ZNF420: variants seen among roughly 807,000 people sequenced by gnomAD.
ZNF420 encodes zinc finger protein 420.
In ZNF420, 31 loss-of-function variants were observed where a neutral mutation model predicts 44.7. The observed-to-expected ratio is 0.69, with a 90% CI of 0.52 to 0.94. The LOEUF (loss-of-function observed/expected upper bound fraction) is 0.94. ZNF420 is among the 40% of genes least tolerant of loss of function. The pLI is 0.00. For synonymous variants in ZNF420, 245 were observed against 267.4 expected, an observed-to-expected ratio of 0.92 and a Z score of 0.82; for missense variants, 681 against 827.9, an observed-to-expected ratio of 0.82 and a Z score of 2.18.
chr19:37,071,325 T>C (rs1968053999), intron 1 of ZNF420, among the ~76,000 whole-genome samples: 1 of 152,178 alleles, frequency 6.6e-6, no homozygotes, highest in Non-Finnish European at 1.5e-5. Flanking sequence ...CAGAATGATA[T>C]ATGAAATAGT....
chr19:37,027,005 G>A (rs1050357990), intron 1 of ZNF420, among the ~76,000 whole-genome samples: 7 of 152,170 alleles, frequency 4.6e-5, no homozygotes, highest in Non-Finnish European at 1.0e-4. Context: ...AATGACTTCA[G>A]ATTAGGAAAT....
chr19:37,054,064 G>A (rs1204892060), intron 1 of ZNF420, among the ~76,000 whole-genome samples: 1 of 152,182 alleles, frequency 6.6e-6, no homozygotes, highest in Non-Finnish European at 1.5e-5. Flanking sequence ...AATGGCTGGC[G>A]CCCCTCCCCC....
intron 1 of ZNF420, among the ~76,000 whole-genome samples, chr19:37,014,310 C>T (rs1373989758): frequency 1.3e-5 from 2 of 152,160 alleles, no homozygotes; most frequent in African/African-American, 4.8e-5. Flanking sequence ...AGGGAATTTT[C>T]AGCTGACTCC....
intron 1 of ZNF420, among the ~76,000 whole-genome samples, chr19:37,066,541 A>G (rs990156648): frequency 2.6e-5 from 4 of 152,238 alleles, no homozygotes; most frequent in Non-Finnish European, 4.4e-5. Flanking sequence ...TGTTTTGCCA[A>G]TAAGTACATA....
intron 1 of ZNF420, among the ~76,000 whole-genome samples, chr19:37,032,581 G>A (rs1174386699): frequency 1.3e-5 from 2 of 151,876 alleles, no homozygotes; most frequent in African/African-American, 4.8e-5. Context: ...AAGGCTGGTG[G>A]ATCACCAGAG....
chr19:37,025,542 T>C (rs921388949), intron 1 of ZNF420, among the ~76,000 whole-genome samples: 10 of 152,118 alleles, frequency 6.6e-5, no homozygotes, highest in Non-Finnish European at 1.3e-4. Context: ...TTTTTTATCT[T>C]CTGTGATGAT....
intron 4 of ZNF420, chr19:37,108,194 A>G (rs1970198725): frequency 6.6e-6 from 1 of 152,214 alleles, no homozygotes; most frequent in African/African-American, 2.4e-5. Flanking sequence ...CTCCTGCCAC[A>G]GCGGCTGTAG....
intron 1 of ZNF420, among the ~76,000 whole-genome samples, chr19:37,019,764 T>A (rs560850709): frequency 3.9e-5 from 5 of 127,716 alleles, no homozygotes; most frequent in South Asian, 4.9e-4. Context: ...AAGACTCATC[T>A]GTCACAAAAA....
At chr19:37,082,725 G>A (rs139446638) in intron 2 of ZNF420, among the ~76,000 whole-genome samples, 9 of 152,156 alleles carry the variant, frequency 5.9e-5, no homozygotes, top group Admixed American at 3.3e-4. Context: ...AGCCCACTAG[G>A]GATCTATAAT....
chr19:37,038,157 AT>A (rs1967391206), intron 1 of ZNF420, among the ~76,000 whole-genome samples: 1 of 152,208 alleles, frequency 6.6e-6, no homozygotes, highest in South Asian at 2.1e-4. Flanking sequence ...TGTTTACACT[AT>A]TGTAGTCAAT....
chr19:37,104,487 T>A (rs1464876032), intron 4 of ZNF420, among the ~76,000 whole-genome samples: 1 of 152,188 alleles, frequency 6.6e-6, no homozygotes, highest in Non-Finnish European at 1.5e-5. Flanking sequence ...TTATAATCCT[T>A]TGGGTATATA....
At chr19:37,031,291 G>A (rs10414107) in intron 1 of ZNF420, among the ~76,000 whole-genome samples, 24,501 of 152,054 alleles carry the variant, frequency 0.16, 2,096 homozygotes, top group African/African-American at 0.23. Context: ...TGCAAACAAA[G>A]ATGTGGATAC....
intron 2 of ZNF420, among the ~76,000 whole-genome samples, 160 bp from the exon 3 acceptor site, chr19:37,088,879 G>A (rs1489643647): frequency 6.6e-6 from 1 of 152,178 alleles, no homozygotes; most frequent in Non-Finnish European, 1.5e-5. Flanking sequence ...AAAGCATTGA[G>A]TTTGATCAAG....
chr19:37,091,014 A>T lies in ZNF420; in HGVS notation c.29A>T (p.Asp10Val). The T allele has an allele frequency of 6.2e-7, 1 of 1,613,318 alleles. No individual in the cohort carries two copies. The highest frequency in any genetic ancestry group is 1.1e-5 in the South Asian group (1 of 90,784). The change falls in exon 4 of 5, where the codon GAT becomes GTT. Residue 10 changes from aspartate (D) to valine (V), a missense_variant. Transcript: ENST00000337995. MARKLVMFR[D>V]VAIDFSQEEW... ...TTTCAGAAATTAGTGATGTTCAGGG[A>T]TGTTGCCATTGACTTCTCTCAGGAA...
chr19:37,070,990 G>T (rs1968048596), intron 1 of ZNF420, among the ~76,000 whole-genome samples: 1 of 152,150 alleles, frequency 6.6e-6, no homozygotes, highest in Admixed American at 6.5e-5. Flanking sequence ...GTGATTTCAT[G>T]ATACAATGGC....
At chr19:37,010,543 ACT>A (rs1253661097) in intron 1 of ZNF420, among the ~76,000 whole-genome samples, 2 of 148,612 alleles carry the variant, frequency 1.3e-5, no homozygotes, top group South Asian at 2.2e-4. Context: ...TCTCTCTGTC[ACT>A]CTGTTTCTCT....
At chr19:37,034,062 A>AT (rs1217488745) in intron 1 of ZNF420, among the ~76,000 whole-genome samples, 7,855 of 137,520 alleles carry the variant, frequency 0.057, 425 homozygotes, top group African/African-American at 0.16. Context: ...CCTATGTTCC[A>AT]TTTTTTTTTT....
At chr19:37,048,227 A>G (rs1258634163) in intron 1 of ZNF420, among the ~76,000 whole-genome samples, 1 of 152,228 alleles carries the variant, frequency 6.6e-6, no homozygotes, top group Non-Finnish European at 1.5e-5. Context: ...AATTTTTTAA[A>G]TATAATTTTA....
At chr19:37,009,400 G>A (rs1373452180) in intron 1 of ZNF420, among the ~76,000 whole-genome samples, 1 of 152,088 alleles carries the variant, frequency 6.6e-6, no homozygotes, top group Non-Finnish European at 1.5e-5. Flanking sequence ...TGGCATTGTT[G>A]GGGAGGTCAC....
Sources: gnomAD v4.1 joint callset for allele counts (sites outside exome capture counted in the v4.1 genomes callset) on GRCh38, gnomAD v4.1.1 for gene constraint, MANE v1.5 for transcripts, NCBI Gene and HGNC (gene_info 2026-07-23, HGNC 2026-07-21) for gene names.